COX5A: variants seen among roughly 807,000 people sequenced by gnomAD.
COX5A encodes the protein cytochrome c oxidase subunit 5A, mitochondrial.
COX5A carries 6 observed loss-of-function variants against 16.1 expected under a neutral mutation model. That is an observed-to-expected ratio of 0.37 (90% CI 0.20 to 0.73). COX5A has a LOEUF of 0.73. Ranked by LOEUF, COX5A falls within the 30% of genes least tolerant of loss-of-function variation. COX5A has a pLI of 0.50. For synonymous variants in COX5A, 73 were observed against 73.8 expected, an observed-to-expected ratio of 0.99 and a Z score of 0.06; for missense variants, 159 against 194.9, an observed-to-expected ratio of 0.82 and a Z score of 1.10.
At chr15:74,925,870 C>T (rs1191901380) in intron 3 of COX5A, among the ~76,000 whole-genome samples, 3 of 140,696 alleles carry the variant, frequency 2.1e-5, no homozygotes, top group African/African-American at 5.2e-5. Flanking sequence ...AAATTCCTTT[C>T]TTTTTTTTTT....
chr15:74,929,121 C>T lies in COX5A; in HGVS notation c.212G>A (p.Arg71His), dbSNP rs150174803. Residue 71 changes from arginine to histidine, a missense_variant, in exon 2 of 5, where the codon CGT becomes CAT. Transcript: ENST00000322347. The part of the protein sequence containing the change: ...NKPDIDAWEL[R>H]KGINTLVTYD... ...TATGTTTATGTTCCAATTACCTTTA[C>T]GCAATTCCCAGGCATCTATATCTGG... 2.2e-4 allele frequency: 360 copies of T among 1,601,656 alleles called. No homozygotes were observed. Among genetic ancestry groups the T allele is most frequent in the Non-Finnish European group, 2.8e-4 (328 of 1,168,808 alleles).
In COX5A at chr15:74,923,698, C is replaced by T; in HGVS notation, c.412G>A (p.Gly138Arg). 6.2e-7 allele frequency: 1 copy of T among 1,611,774 alleles called. No homozygotes were observed. The change falls in exon 4 of 5, where the codon GGA becomes AGA. Residue 138 changes from glycine to arginine, a missense_variant. Gly to Arg is a moderately radical substitution (Grantham distance 125, BLOSUM62 -2). Transcript: ENST00000322347. Reference protein sequence around the residue: ...QELRPTLNELGISTPEELGLD... With the variant: ...QELRPTLNELRISTPEELGLD... ...CCCAGTTCCTCCGGAGTGGAGATTC[C>T]CAGTTCATTTAAAGTTGGTCTAAGT...
intron 1 of COX5A, among the ~76,000 whole-genome samples, chr15:74,935,331 G>A (rs1022840290): frequency 2.6e-5 from 4 of 151,768 alleles, no homozygotes; most frequent in African/African-American, 9.7e-5. Context: ...AACAACAGAA[G>A]AAGAAAAAGA....
intron 3 of COX5A, among the ~76,000 whole-genome samples, chr15:74,926,178 T>G (rs1377389423): frequency 2.0e-5 from 3 of 151,642 alleles, no homozygotes; most frequent in East Asian, 1.9e-4. Flanking sequence ...TAGCTGGGAC[T>G]ACAGGCGCCT....
intron 4 of COX5A, among the ~76,000 whole-genome samples, chr15:74,922,455 G>C (rs996853854): frequency 2.0e-5 from 3 of 151,970 alleles, no homozygotes; most frequent in African/African-American, 7.3e-5. Context: ...TTCTCAACAG[G>C]AAGACTGAAT....
At chr15:74,922,077 G>A (rs1325234865) in intron 4 of COX5A, among the ~76,000 whole-genome samples, 5 of 152,148 alleles carry the variant, frequency 3.3e-5, no homozygotes, top group South Asian at 2.1e-4. Context: ...AGACCACTCC[G>A]TTAAAGCAAG....
rs772971716 is a variant in COX5A at position 74,920,315 on chromosome 15, T to C, written c.*137A>G. 2 of 652,892 alleles carry C rather than the reference T, an allele frequency of 3.1e-6. No homozygotes were observed. The highest frequency in any genetic ancestry group is 5.4e-6 in the Non-Finnish European group (2 of 369,508). The allele number at this position is 652,892 out of a possible 1,614,324, so 40.4% of individuals were successfully genotyped here. A position where few individuals can be genotyped will look rare whatever the true frequency, so the allele number is the denominator to read the frequency against. On this transcript the variant is annotated 3_prime_UTR_variant, in exon 5 of 5. Coordinates refer to ENST00000322347, the MANE Select transcript of COX5A (RefSeq NM_004255.4). ...ATTTCCCTTTTATTAAAGTCCAAGTTACCATTACATGGCTTGGTACTCAAT... is the reference window on the plus strand; with the variant it reads ...ATTTCCCTTTTATTAAAGTCCAAGTCACCATTACATGGCTTGGTACTCAAT...
intron 1 of COX5A, among the ~76,000 whole-genome samples, chr15:74,936,820 G>C (rs1595864158): frequency 6.6e-6 from 1 of 151,600 alleles, no homozygotes; most frequent in South Asian, 2.1e-4. Context: ...GTACAGACAG[G>C]GTTTCACCAT....
At chr15:74,936,276 C>A (rs201715032) in intron 1 of COX5A, among the ~76,000 whole-genome samples, 1 of 145,516 alleles carries the variant, frequency 6.9e-6, no homozygotes, top group East Asian at 2.2e-4. Context: ...CAAGAAAAAA[C>A]AAAACAAAAC....
At chr15:74,931,848 C>T (rs1332917286) in intron 1 of COX5A, among the ~76,000 whole-genome samples, 1 of 152,114 alleles carries the variant, frequency 6.6e-6, no homozygotes, top group African/African-American at 2.4e-5. Context: ...GCCACTGCAC[C>T]CAGCCCCATT....
chr15:74,920,737 G>C (rs1313820510), intron 4 of COX5A, among the ~76,000 whole-genome samples: 1 of 152,136 alleles, frequency 6.6e-6, no homozygotes, highest in Non-Finnish European at 1.5e-5. Flanking sequence ...TAGCCCTTTG[G>C]AAAGCCGAGG....
At chr15:74,933,705 AC>A (rs1447374722) in intron 1 of COX5A, among the ~76,000 whole-genome samples, 2 of 152,196 alleles carry the variant, frequency 1.3e-5, no homozygotes, top group Non-Finnish European at 1.5e-5. Flanking sequence ...ACACAAACCT[AC>A]CATATAACAC....
chr15:74,927,047 GATA>G (rs1039334836), intron 2 of COX5A, among the ~76,000 whole-genome samples, 160 bp from the exon 3 acceptor site: 8 of 152,016 alleles, frequency 5.3e-5, no homozygotes, highest in Admixed American at 3.3e-4. Flanking sequence ...ACAAATTCTA[GATA>G]ATAAGATCAC....
Position 74,923,752 on chromosome 15 carries a change from T to C in COX5A, c.358A>G (p.Lys120Glu), listed in dbSNP as rs778250905. 1 of 1,606,306 alleles carries C rather than the reference T, an allele frequency of 6.2e-7. No individual in the cohort carries two copies. Among genetic ancestry groups the C allele is most frequent in the African/African-American group, 1.3e-5 (1 of 74,890 alleles). ...TGGATGACATAGGGGTAGATTTCCT[T>C]ATGAGGTCCTGCTTTGTCCTGATGG... is the stretch of plus-strand genomic sequence containing the variant. ...EVVKDKAGPH[K>E]EIYPYVIQEL... Residue 120 changes from lysine (K) to glutamate (E), a missense_variant, in exon 4 of 5, where the codon AAG (lysine) becomes GAG (glutamate). Lys to Glu is a moderately conservative substitution (Grantham distance 56). Transcript: ENST00000322347.
At chr15:74,922,455 GA>G (rs1030079569) in intron 4 of COX5A, among the ~76,000 whole-genome samples, 1 of 151,970 alleles carries the variant, frequency 6.6e-6, no homozygotes, top group African/African-American at 2.4e-5. Context: ...TTCTCAACAG[GA>G]AGACTGAATA....
chr15:74,922,566 A>C (rs1191925520), intron 4 of COX5A, among the ~76,000 whole-genome samples: 1 of 152,062 alleles, frequency 6.6e-6, no homozygotes, highest in Non-Finnish European at 1.5e-5. Flanking sequence ...AGCCAGTCTC[A>C]AACTCCTGAT....
chr15:74,926,499 GAAA>G (rs57676926), intron 3 of COX5A, among the ~76,000 whole-genome samples: 3 of 127,654 alleles, frequency 2.4e-5, no homozygotes, highest in Non-Finnish European at 4.8e-5. Flanking sequence ...AAAAAAGAAA[GAAA>G]AAAAAAAAAG....
intron 2 of COX5A, among the ~76,000 whole-genome samples, chr15:74,927,599 C>T (rs910088273): frequency 6.6e-6 from 1 of 151,912 alleles, no homozygotes; most frequent in South Asian, 2.1e-4. Context: ...ATGGAGAAAC[C>T]CTGTCTCTAT....
At chr15:74,921,276 C>T (rs1451982708) in intron 4 of COX5A, among the ~76,000 whole-genome samples, 3 of 151,204 alleles carry the variant, frequency 2.0e-5, no homozygotes, top group Non-Finnish European at 3.0e-5. Context: ...GGCATGGTGG[C>T]GGGTGCCTGT....
Sources: allele counts gnomAD v4.1 joint callset (sites outside exome capture counted in the v4.1 genomes callset), GRCh38; gene constraint gnomAD v4.1.1; transcripts MANE v1.5; gene names NCBI Gene and HGNC (gene_info 2026-07-23, HGNC 2026-07-21).